Variants in PMPCB observed in about 807,000 individuals in gnomAD.
PMPCB encodes the protein peptidase, mitochondrial processing subunit beta.
Under a neutral mutation model 61.5 loss-of-function variants are expected in PMPCB, and 46 were observed. That is an observed-to-expected ratio of 0.75 (90% CI 0.59 to 0.96). PMPCB has a LOEUF of 0.96. PMPCB is among the 40% of genes least tolerant of loss of function. PMPCB has a pLI of 0.00. For missense variants in PMPCB, 590 were observed against 602.4 expected, an observed-to-expected ratio of 0.98 and a Z score of 0.22; for synonymous variants, 191 against 201.6, an observed-to-expected ratio of 0.95 and a Z score of 0.44.
chr7:103,335,426 T>A, the PMPCB span: 4 of 152,278 alleles, frequency 2.6e-5, no homozygotes, highest in Non-Finnish European at 5.9e-5. Flanking sequence ...ACAAGGGTGG[T>A]AGAGAGTAAG....
downstream of PMPCB, among the ~76,000 whole-genome samples, chr7:103,319,234 C>G (rs185108892): frequency 6.6e-6 from 1 of 152,166 alleles, no homozygotes. Context: ...GTCAAGAATT[C>G]AAGACCAGCC....
chr7:103,339,679 G>A, the PMPCB span, among the ~76,000 whole-genome samples: 4 of 151,020 alleles, frequency 2.6e-5, no homozygotes, highest in South Asian at 6.3e-4. Flanking sequence ...TCAGCTTACC[G>A]CAATCTCCAC....
chr7:103,315,847 T>A (rs1423601909), downstream of PMPCB: 2 of 1,613,378 alleles, frequency 1.2e-6, no homozygotes, highest in Admixed American at 3.3e-5. Flanking sequence ...TGCCTTTTTA[T>A]TTATGTCATC....
At position 103,299,460 on chromosome 7, in the gene PMPCB, T is replaced by C; in HGVS notation, c.258T>C (p.Asp86=). ...GCATTAAGGTTGGACTCTGGATTGA[T>C]GCTGGAAGTAGATACGAAAATGAGA... ...LSTCTVGLWI[D]AGSRYENEKN... is the part of the protein sequence containing the mutation. The change falls in exon 3 of 13, where the codon GAT becomes GAC. Residue 86 remains aspartate (D), a synonymous_variant. Coordinates refer to ENST00000249269, the MANE Select transcript of PMPCB (RefSeq NM_004279.3). 1 of 1,608,254 alleles carries C rather than the reference T, an allele frequency of 6.2e-7. No individual in the cohort carries two copies. The highest frequency in any genetic ancestry group is 1.1e-5 in the South Asian group (1 of 90,772).
At position 103,328,614 on chromosome 7, in the gene PMPCB, G is replaced by C. The variant is rs558214633; in HGVS notation, c.*1432-317G>C. 2.1e-4 allele frequency among the ~76,000 whole-genome samples: 32 copies of C among 151,968 alleles called. No individual in the cohort carries two copies. The South Asian group carries it at 6.4e-3, about 30-fold the overall frequency. On this transcript the variant is annotated intron_variant and NMD_transcript_variant, in intron 12 of 12. Transcript: ENST00000444457. Reference sequence around the variant, plus strand: ...CCACTGCATTCCAGCCTGGGTGACAGAGTGAGACTCTGTGTCAAAAAGAAG... The same window carrying C: ...CCACTGCATTCCAGCCTGGGTGACACAGTGAGACTCTGTGTCAAAAAGAAG...
At chr7:103,344,619 G>C in the PMPCB span, 1 of 1,610,684 alleles carries the variant, frequency 6.2e-7, no homozygotes, top group Non-Finnish European at 8.5e-7. Flanking sequence ...GGCAGAAGCA[G>C]CATGATGGCG....
intron 12 of PMPCB, chr7:103,321,838 A>AC (rs1456922824): frequency 2.6e-5 from 37 of 1,415,126 alleles, no homozygotes; most frequent in Admixed American, 5.7e-5. Flanking sequence ...ACAGAGCGAG[A>AC]CCCCATCTAA....
chr7:103,347,409 T>C, the PMPCB span: 1 of 246,496 alleles, frequency 4.1e-6, no homozygotes, highest in African/African-American at 2.2e-5. Context: ...ATATTCTGGA[T>C]ATTAACTCTT....
downstream of PMPCB, among the ~76,000 whole-genome samples, chr7:103,333,090 T>A (rs961185746): frequency 1.3e-5 from 2 of 151,116 alleles, no homozygotes. Context: ...AACATTTCCT[T>A]TGAAGTGTCA....
intron 12 of PMPCB, among the ~76,000 whole-genome samples, chr7:103,325,806 A>G (rs1323262769): frequency 1.3e-5 from 2 of 152,208 alleles, no homozygotes; most frequent in African/African-American, 4.8e-5. Context: ...CGTAACTATA[A>G]ATAATGTTTT....
At chr7:103,314,884 T>G (rs1817960271), downstream of PMPCB, among the ~76,000 whole-genome samples, 1 of 152,214 alleles carries the variant, frequency 6.6e-6, no homozygotes, top group African/African-American at 2.4e-5. Flanking sequence ...GCGATTAGTT[T>G]AAGAAAGGAT....
intron 9 of PMPCB, chr7:103,310,800 C>G (rs920738528): frequency 6.2e-6 from 1 of 160,540 alleles, no homozygotes; most frequent in Non-Finnish European, 1.3e-5. Context: ...ACCTCAGCCT[C>G]CCGAATAGCT....
downstream of PMPCB, chr7:103,316,801 T>G (rs758622278): frequency 6.3e-7 from 1 of 1,591,308 alleles, no homozygotes; most frequent in South Asian, 1.1e-5. Flanking sequence ...CCAGTGTGAG[T>G]TGAAGAAAAG....
chr7:103,334,883 G>A, the PMPCB span, among the ~76,000 whole-genome samples: 1 of 152,180 alleles, frequency 6.6e-6, no homozygotes, highest in African/African-American at 2.4e-5. Flanking sequence ...ACCCAGGCTG[G>A]AGTGCAATGG....
At chr7:103,347,400 T>C in the PMPCB span, 1 of 211,396 alleles carries the variant, frequency 4.7e-6, no homozygotes, top group African/African-American at 2.3e-5. Context: ...GTTCTTTATA[T>C]ATTCTGGATA....
the PMPCB span, chr7:103,344,542 G>A: frequency 2.9e-5 from 46 of 1,613,676 alleles, no homozygotes; most frequent in Middle Eastern, 3.3e-4. Context: ...AGGAACCGAG[G>A]TTGGGTGGGC....
At chr7:103,343,845 G>C in the PMPCB span, among the ~76,000 whole-genome samples, 1 of 152,112 alleles carries the variant, frequency 6.6e-6, no homozygotes, top group African/African-American at 2.4e-5. Flanking sequence ...GAGGCACACG[G>C]AGACACATAA....
intron 12 of PMPCB, chr7:103,324,336 A>T: frequency 1.7e-6 from 1 of 584,452 alleles, no homozygotes; most frequent in Non-Finnish European, 2.6e-6. Flanking sequence ...TTAAAAGTGT[A>T]AATATCACAT....
intron 1 of PMPCB, among the ~76,000 whole-genome samples, chr7:103,298,289 G>C (rs910434799): frequency 6.6e-6 from 1 of 151,768 alleles, no homozygotes; most frequent in Non-Finnish European, 1.5e-5. Context: ...TTCTAGGAGA[G>C]GTAGTGAAAT....
Sources: gnomAD v4.1 joint callset for allele counts (sites outside exome capture counted in the v4.1 genomes callset) on GRCh38, gnomAD v4.1.1 for gene constraint, MANE v1.5 for transcripts, NCBI Gene and HGNC (gene_info 2026-07-23, HGNC 2026-07-21) for gene names.